Variants in MTHFD1 observed in about 807,000 individuals in gnomAD.
MTHFD1 encodes methylenetetrahydrofolate dehydrogenase, cyclohydrolase and formyltetrahydrofolate synthetase 1.
MTHFD1 carries 44 observed loss-of-function variants against 110.3 expected under a neutral mutation model. That is an observed-to-expected ratio of 0.40 (90% CI 0.31 to 0.51). The LOEUF is 0.51. MTHFD1 is among the 20% of genes least tolerant of loss of function. The probability of loss-of-function intolerance (pLI) is 0.60; values close to 1 mark genes in which losing one functional copy is unlikely to be tolerated. For synonymous variants in MTHFD1, 402 were observed against 428.8 expected, an observed-to-expected ratio of 0.94 and a Z score of 0.77; for missense variants, 909 against 1,173.1, an observed-to-expected ratio of 0.77 and a Z score of 3.29.
intron 8 of MTHFD1, among the ~76,000 whole-genome samples, chr14:64,421,440 G>A (rs544898051): frequency 8.5e-5 from 13 of 152,066 alleles, no homozygotes; most frequent in South Asian, 2.1e-4. Context: ...AGCCTTCACC[G>A]TTTTTAACCT....
At chr14:64,444,410 A>C (rs541960816) in intron 21 of MTHFD1, among the ~76,000 whole-genome samples, 6 of 152,016 alleles carry the variant, frequency 3.9e-5, no homozygotes, top group African/African-American at 1.4e-4. Context: ...GAGTCACTGC[A>C]CCTGCTTGGT....
intron 22 of MTHFD1, 109 bp downstream of exon 22, chr14:64,444,843 G>T: frequency 8.1e-7 from 1 of 1,229,902 alleles, no homozygotes; most frequent in South Asian, 1.2e-5. Context: ...GTGACCCAGG[G>T]TGCAGGGTGC....
chr14:64,424,655 A>C, intron 8 of MTHFD1, 149 bp from the exon 9 acceptor site: 3 of 849,952 alleles, frequency 3.5e-6, no homozygotes, highest in Non-Finnish European at 1.9e-6. Flanking sequence ...GAAATAGCAA[A>C]CATCTGTCAT....
chr14:64,405,732 A>G (rs1304122725), intron 2 of MTHFD1, among the ~76,000 whole-genome samples: 1 of 152,144 alleles, frequency 6.6e-6, no homozygotes, highest in African/African-American at 2.4e-5. Context: ...GGTTCTATCT[A>G]TATACCTCCT....
At chr14:64,395,368 A>G (rs931352143) in intron 1 of MTHFD1, among the ~76,000 whole-genome samples, 1 of 152,218 alleles carries the variant, frequency 6.6e-6, no homozygotes, top group African/African-American at 2.4e-5. Context: ...TGTACTGTCT[A>G]TCTTCATGCC....
At chr14:64,435,452 G>T in intron 15 of MTHFD1, 117 bp from the exon 16 acceptor site, 1 of 738,868 alleles carries the variant, frequency 1.4e-6, no homozygotes, top group Admixed American at 1.9e-5. Context: ...CTGAATTTAA[G>T]ATGGTTTGCA....
At chr14:64,428,011 G>C (rs757297005) in intron 12 of MTHFD1, among the ~76,000 whole-genome samples, 1 of 151,746 alleles carries the variant, frequency 6.6e-6, no homozygotes, top group Admixed American at 6.6e-5. Flanking sequence ...AAGTACCAGA[G>C]TGATTCTTCC....
chr14:64,441,252 G>T, intron 18 of MTHFD1, 133 bp from the exon 19 acceptor site: 1 of 828,020 alleles, frequency 1.2e-6, no homozygotes. Context: ...AACCATGAAT[G>T]GTCCAATTCA....
intron 1 of MTHFD1, 64 bp downstream of exon 1, chr14:64,388,532 C>G: frequency 6.7e-7 from 1 of 1,488,146 alleles, no homozygotes; most frequent in Non-Finnish European, 9.4e-7. Context: ...GTGTGCAGGT[C>G]CCCCGGACCC....
At chr14:64,397,229 T>C (rs1178035888) in intron 1 of MTHFD1, among the ~76,000 whole-genome samples, 8 of 87,358 alleles carry the variant, frequency 9.2e-5, no homozygotes, top group Non-Finnish European at 1.3e-4. Flanking sequence ...ATAAATTGTG[T>C]CCTTGTTTAG....
rs764030662 is a variant in MTHFD1, at chr14:64,449,642, C to T, written c.2457+20C>T. On this transcript the variant is annotated intron_variant, in intron 24 of 27. Coordinates refer to ENST00000652337, the MANE Select transcript of MTHFD1 (RefSeq NM_005956.4). ...CTCAAGGTGGGTGATTTGCTGTCTG[C>T]AAAAAAAGAAAAAAGACGAAAAGGG... 6.2e-7 allele frequency: 1 copy of T among 1,612,560 alleles called. No individual in the cohort carries two copies. The highest frequency in any genetic ancestry group is 1.3e-5 in the African/African-American group (1 of 74,910).
intron 16 of MTHFD1, among the ~76,000 whole-genome samples, chr14:64,437,448 C>T (rs1233617435): frequency 1.3e-5 from 2 of 152,230 alleles, no homozygotes; most frequent in Non-Finnish European, 2.9e-5. Context: ...ACTCTCAGCA[C>T]CTCACTTCTG....
chr14:64,415,547 G>A (rs2078019067), intron 5 of MTHFD1, 53 bp downstream of exon 5: 26 of 1,613,482 alleles, frequency 1.6e-5, no homozygotes, highest in Non-Finnish European at 1.8e-5. Context: ...TTTATAATAT[G>A]TTTCTATTTG....
rs1354171291 is a variant in MTHFD1, at chr14:64,431,796, A to G, written c.1429A>G (p.Asn477Asp). 4 of 1,613,994 alleles carry G rather than the reference A, an allele frequency of 2.5e-6. No individual in the cohort carries two copies. Among genetic ancestry groups the G allele is most frequent in the Non-Finnish European group, 2.5e-6 (3 of 1,179,996 alleles). ...ELTQTDKALFNRLVPSVNGVR... is the reference protein window; with the variant it reads ...ELTQTDKALFDRLVPSVNGVR... The stretch of plus-strand genomic sequence containing the variant: ...CTTTCTTTTCTTTAAGGCTCTCTTT[A>G]ATCGTTTGGTGCCATCAGTAAATGG... Residue 477 changes from asparagine (N) to aspartate (D), a missense_variant, in exon 15 of 28, where the codon AAT (asparagine) becomes GAT (aspartate). Asn to Asp is a conservative substitution (Grantham distance 23). Coordinates refer to ENST00000652337, the MANE Select transcript of MTHFD1 (RefSeq NM_005956.4).
Position 64,432,802 on chromosome 14 carries a change from T to G in MTHFD1, c.1494+941T>G, listed in dbSNP as rs555963549. On this transcript the variant is annotated intron_variant, in intron 15 of 27. Coordinates refer to ENST00000652337, the MANE Select transcript of MTHFD1 (RefSeq NM_005956.4). ...ACAGCGTCTCTCTCTGTAACCCGGC[T>G]GGAGTGCAGAGGCACAATCACAGCT... is the stretch of plus-strand genomic sequence containing the variant. Among the ~76,000 whole-genome samples, 62 of 152,334 alleles carry G rather than the reference T, an allele frequency of 4.1e-4. 1 individual carries two copies. The South Asian group carries it at 0.012, about 29-fold the overall frequency.
chr14:64,432,337 A>C (rs10498514), intron 15 of MTHFD1, among the ~76,000 whole-genome samples: 10,829 of 152,278 alleles, frequency 0.071, 746 homozygotes, highest in African/African-American at 0.19. Context: ...TAACAAATAC[A>C]TAGTTAGTAA....
Position 64,411,089 on chromosome 14 carries a change from G to A in MTHFD1, c.127-1G>A. 6.2e-7 allele frequency: 1 copy of A among 1,607,256 alleles called. No individual in the cohort carries two copies. The highest frequency in any genetic ancestry group is 8.5e-7 in the Non-Finnish European group (1 of 1,174,120). On this transcript the variant is annotated splice_acceptor_variant, in intron 2 of 27. Transcript: ENST00000652337. LOFTEE classifies it high-confidence loss of function. The stretch of plus-strand genomic sequence containing the variant: ...TGATTTGCATGCATTTATTATTCTA[G>A]GTTGGCAACAGAGATGATTCCAATC...
chr14:64,440,758 C>G (rs148369016), intron 18 of MTHFD1: 1 of 244,398 alleles, frequency 4.1e-6, no homozygotes, highest in African/African-American at 2.3e-5. Flanking sequence ...ACTGAGTACT[C>G]TGGGAACGAG....
At position 64,394,320 on chromosome 14, in the gene MTHFD1, C is replaced by G. The variant is rs139683448; in HGVS notation, c.41+5852C>G. On this transcript the variant is annotated intron_variant, in intron 1 of 27. Transcript: ENST00000652337. ...GGTGCATTTCTTTCCCTACCATGGG[C>G]TTGTCATTGGCTTGCTAGAAGGAAT... 4.3e-3 allele frequency among the ~76,000 whole-genome samples: 649 copies of G among 152,232 alleles called. 3 individuals carry two copies. The highest frequency in any genetic ancestry group is 0.014 in the Middle Eastern group (4 of 294).
Sources: allele counts gnomAD v4.1 joint callset (sites outside exome capture counted in the v4.1 genomes callset), GRCh38; gene constraint gnomAD v4.1.1; transcripts MANE v1.5; gene names NCBI Gene and HGNC (gene_info 2026-07-23, HGNC 2026-07-21).